FAM227B: variants seen among roughly 807,000 people sequenced by gnomAD.
FAM227B encodes the protein protein FAM227B.
Under a neutral mutation model 73.8 loss-of-function variants are expected in FAM227B, and 88 were observed. The ratio of observed to expected loss-of-function variants is 1.19; its 90% CI spans 1.00 to 1.42. The LOEUF (loss-of-function observed/expected upper bound fraction) is 1.42, where lower values mean the gene tolerates loss of function less well. Among genes scored for constraint, FAM227B ranks in the 40% most tolerant of loss-of-function variants. FAM227B has a pLI of 0.00. For synonymous variants in FAM227B, 210 were observed against 190.5 expected, an observed-to-expected ratio of 1.10 and a Z score of -0.84; for missense variants, 632 against 590.9, an observed-to-expected ratio of 1.07 and a Z score of -0.72.
At chr15:49,432,054 A>T (rs2151792072) in intron 11 of FAM227B, among the ~76,000 whole-genome samples, 1 of 151,862 alleles carries the variant, frequency 6.6e-6, no homozygotes, top group East Asian at 1.9e-4. Context: ...ATTTATCAGA[A>T]TTATTCTGAA....
intron 3 of FAM227B, among the ~76,000 whole-genome samples, chr15:49,597,282 C>T (rs958566941): frequency 6.6e-6 from 1 of 151,878 alleles, no homozygotes; most frequent in Non-Finnish European, 1.5e-5. Context: ...TCTTTCAGAC[C>T]ACAATTGAAT....
intron 12 of FAM227B, among the ~76,000 whole-genome samples, chr15:49,370,093 C>T (rs916854227): frequency 6.6e-6 from 1 of 152,120 alleles, no homozygotes; most frequent in African/African-American, 2.4e-5. Flanking sequence ...TTGGCTGGCT[C>T]CTTGATCTTG....
intron 9 of FAM227B, among the ~76,000 whole-genome samples, chr15:49,546,161 A>C (rs546872284): frequency 3.8e-4 from 58 of 151,110 alleles, no homozygotes; most frequent in African/African-American, 1.4e-3. Flanking sequence ...TCCTGTGTCC[A>C]TGTGTTCTCA....
intron 11 of FAM227B, among the ~76,000 whole-genome samples, chr15:49,417,212 A>G (rs1304969916): frequency 3.9e-5 from 6 of 152,022 alleles, no homozygotes; most frequent in Admixed American, 3.9e-4. Flanking sequence ...GGCAACAAGG[A>G]AAAATCCTGT....
intron 3 of FAM227B, among the ~76,000 whole-genome samples, chr15:49,591,872 A>G (rs1484075409): frequency 6.6e-6 from 1 of 152,192 alleles, no homozygotes; most frequent in Non-Finnish European, 1.5e-5. Context: ...CTATGTATAT[A>G]CAGCCACACA....
intron 13 of FAM227B, among the ~76,000 whole-genome samples, chr15:49,362,638 T>G (rs1209752061): frequency 6.6e-6 from 1 of 152,232 alleles, no homozygotes; most frequent in East Asian, 1.9e-4. Flanking sequence ...AGGTTTCATC[T>G]GTCAATTTTT....
chr15:49,334,184 T>A, intron 14 of FAM227B: 1 of 869,856 alleles, frequency 1.1e-6, no homozygotes, highest in African/African-American at 1.8e-5. Flanking sequence ...TTAAAGATGA[T>A]CTTAAGCACT....
rs55780615 is a variant in FAM227B at position 49,553,239 on chromosome 15, C to T, written c.748-11433G>A. On this transcript the variant is annotated intron_variant, in intron 9 of 15. Transcript: ENST00000299338. ...GGAGGTAATTCTCTGAATTACCAGGCAGAGACTTTTTTTCTCCTCCCTTAC... is the reference window on the plus strand; with the variant it reads ...GGAGGTAATTCTCTGAATTACCAGGTAGAGACTTTTTTTCTCCTCCCTTAC... Among the ~76,000 whole-genome samples, 936 of 152,286 alleles carry T rather than the reference C, an allele frequency of 6.1e-3. 28 individuals carry two copies. In the East Asian group the frequency reaches 0.072, roughly 12 times the overall value.
At chr15:49,490,775 A>C (rs928330462) in intron 11 of FAM227B, among the ~76,000 whole-genome samples, 2 of 151,942 alleles carry the variant, frequency 1.3e-5, no homozygotes, top group Non-Finnish European at 2.9e-5. Flanking sequence ...TCTCCACTTG[A>C]CTGAAATTTT....
At chr15:49,487,358 A>G (rs1253728586) in intron 11 of FAM227B, 1 of 151,966 alleles carries the variant, frequency 6.6e-6, no homozygotes, top group Non-Finnish European at 1.5e-5. Context: ...AATGATAACA[A>G]AAGTAAACAA....
chr15:49,514,727 T>C (rs542334545), intron 10 of FAM227B, among the ~76,000 whole-genome samples: 2 of 152,256 alleles, frequency 1.3e-5, no homozygotes, highest in South Asian at 4.1e-4. Flanking sequence ...CTATTAACAG[T>C]GCCTTCTGAG....
At chr15:49,568,196 T>A (rs1237332796) in intron 9 of FAM227B, 49 bp downstream of exon 9, 1 of 1,453,148 alleles carries the variant, frequency 6.9e-7, no homozygotes, top group Non-Finnish European at 9.4e-7. Flanking sequence ...TTTTTTCTAT[T>A]TCATTCACTT....
chr15:49,434,437 C>A (rs944721192), intron 11 of FAM227B: 5 of 151,314 alleles, frequency 3.3e-5, no homozygotes, highest in African/African-American at 1.2e-4. Flanking sequence ...AAGTTTAGGG[C>A]ACATCGCAGG....
intron 11 of FAM227B, among the ~76,000 whole-genome samples, chr15:49,444,961 T>C (rs1445283441): frequency 4.6e-5 from 7 of 151,638 alleles, no homozygotes; most frequent in African/African-American, 1.7e-4. Flanking sequence ...TTAGAACAAA[T>C]ATTCATGTAT....
intron 11 of FAM227B, among the ~76,000 whole-genome samples, chr15:49,427,977 T>C (rs539021980): frequency 6.6e-6 from 1 of 152,140 alleles, no homozygotes; most frequent in East Asian, 1.9e-4. Flanking sequence ...TTAATTACTG[T>C]GTTGTTTTGT....
chr15:49,489,462 G>T, intron 11 of FAM227B: 2 of 674,312 alleles, frequency 3.0e-6, no homozygotes, highest in African/African-American at 3.9e-5. Flanking sequence ...TGGCTACTTA[G>T]AACTCCCAAT....
At chr15:49,569,826 T>C (rs767110511) in intron 8 of FAM227B, among the ~76,000 whole-genome samples, 27 of 152,002 alleles carry the variant, frequency 1.8e-4, no homozygotes, top group Non-Finnish European at 3.4e-4. Flanking sequence ...TCTCTACTTC[T>C]GTGAGTTCAA....
At chr15:49,441,808 C>T (rs558266260) in intron 11 of FAM227B, among the ~76,000 whole-genome samples, 1 of 151,164 alleles carries the variant, frequency 6.6e-6, no homozygotes, top group African/African-American at 2.4e-5. Flanking sequence ...AATGTATTAT[C>T]TCATTGAATT....
chr15:49,381,324 C>T (rs1411686866), intron 11 of FAM227B, among the ~76,000 whole-genome samples: 1 of 152,116 alleles, frequency 6.6e-6, no homozygotes, highest in Non-Finnish European at 1.5e-5. Flanking sequence ...AAAGGCAAAA[C>T]CTGATAAAGA....
Sources: allele counts gnomAD v4.1 joint callset (sites outside exome capture counted in the v4.1 genomes callset), GRCh38; gene constraint gnomAD v4.1.1; transcripts MANE v1.5; gene names NCBI Gene and HGNC (gene_info 2026-07-23, HGNC 2026-07-21).